The following UNC79 variants were observed in gnomAD, a reference collection of about 807,000 sequenced individuals.
UNC79 encodes protein unc-79 homolog.
Under a neutral mutation model 283.1 loss-of-function variants are expected in UNC79, and 37 were observed. That is an observed-to-expected ratio of 0.13 (90% CI 0.10 to 0.17). UNC79 has a LOEUF of 0.17. UNC79 is among the 10% of genes least tolerant of loss of function. The pLI is 1.00. For missense variants in UNC79, 2,272 were observed against 3,211.1 expected, an observed-to-expected ratio of 0.71 and a Z score of 7.07; for synonymous variants, 1,107 against 1,200.2, an observed-to-expected ratio of 0.92 and a Z score of 1.61.
chr14:93,506,808 G>T (rs149727699), intron 7 of UNC79, among the ~76,000 whole-genome samples: 22 of 152,198 alleles, frequency 1.4e-4, no homozygotes, highest in Non-Finnish European at 2.8e-4. Flanking sequence ...GTACAGCTGG[G>T]TCAATTATGA....
intron 26 of UNC79, among the ~76,000 whole-genome samples, 178 bp downstream of exon 27, chr14:93,605,139 G>T (rs966266892): frequency 6.6e-6 from 1 of 151,996 alleles, no homozygotes; most frequent in African/African-American, 2.4e-5. Context: ...TTTCCATTTT[G>T]ATATTAACAG....
intron 44 of UNC79, chr14:93,689,153 G>T: frequency 8.4e-6 from 3 of 356,678 alleles, no homozygotes; most frequent in South Asian, 1.8e-4. Context: ...TAATAGGTAT[G>T]TATCAATATA....
chr14:93,532,483 A>C, intron 10 of UNC79, 67 bp from the exon 11 acceptor site: 3 of 1,541,878 alleles, frequency 1.9e-6, no homozygotes, highest in Non-Finnish European at 2.6e-6. Flanking sequence ...AAATAAATTA[A>C]TTAATTAAAT....
intron 1 of UNC79, among the ~76,000 whole-genome samples, chr14:93,444,302 T>C (rs1366981449): frequency 2.0e-5 from 3 of 152,214 alleles, no homozygotes; most frequent in Non-Finnish European, 2.9e-5. Flanking sequence ...TTTGATCTTT[T>C]GATTGAGTCT....
chr14:93,391,601 A>T (rs2054884669), intron 1 of UNC79, among the ~76,000 whole-genome samples: 1 of 152,124 alleles, frequency 6.6e-6, no homozygotes, highest in Non-Finnish European at 1.5e-5. Flanking sequence ...TGTATCTATA[A>T]TTTCTTTTTT....
chr14:93,644,742 A>G (rs544186766), intron 34 of UNC79, among the ~76,000 whole-genome samples: 8 of 152,328 alleles, frequency 5.3e-5, no homozygotes, highest in Admixed American at 5.2e-4. Context: ...TAAAAATGAA[A>G]AAATGTTGAC....
At chr14:93,477,805 C>T (rs1319704895) in intron 4 of UNC79, 77 bp downstream of exon 4, 1 of 1,397,996 alleles carries the variant, frequency 7.2e-7, no homozygotes, top group Non-Finnish European at 9.7e-7. Context: ...GTTATAGGCT[C>T]TAGTTTTTCG....
chr14:93,586,792 T>A lies in UNC79; in HGVS notation c.2916T>A (p.Leu972=), dbSNP rs192535016. The A allele has an allele frequency of 8.9e-5, 144 of 1,614,042 alleles. 1 individual carries two copies. In the East Asian group the frequency reaches 2.3e-3, roughly 26 times the overall value. The change falls in exon 22 of 49, where the codon CTT becomes CTA. Residue 972 remains leucine, a synonymous_variant. Transcript: ENST00000555664. The stretch of plus-strand genomic sequence containing the variant: ...CTAAGTTTGAAGAGCCAGACATTCT[T>A]TTTAATATGCTCAATTGCCTGAAGA...
chr14:93,664,942 A>T (rs1003159364), intron 40 of UNC79, among the ~76,000 whole-genome samples: 2 of 152,100 alleles, frequency 1.3e-5, no homozygotes, highest in Admixed American at 6.6e-5. Context: ...TACAAAGCAA[A>T]TGAAGATACA....
intron 47 of UNC79, among the ~76,000 whole-genome samples, chr14:93,703,918 T>C (rs527990870): frequency 6.6e-6 from 1 of 152,252 alleles, no homozygotes; most frequent in East Asian, 1.9e-4. Context: ...TTACTTAGAT[T>C]TTAAAGGACT....
chr14:93,467,180 T>A (rs2057228938), intron 1 of UNC79, among the ~76,000 whole-genome samples: 1 of 152,222 alleles, frequency 6.6e-6, no homozygotes, highest in South Asian at 2.1e-4. Context: ...CTTCAATTGA[T>A]GCCATTGTGC....
chr14:93,514,806 T>C (rs1347600113), intron 7 of UNC79, among the ~76,000 whole-genome samples: 1 of 152,238 alleles, frequency 6.6e-6, no homozygotes, highest in Non-Finnish European at 1.5e-5. Context: ...ACTTAACTTG[T>C]ATGCTTTACT....
intron 1 of UNC79, among the ~76,000 whole-genome samples, chr14:93,355,174 C>T (rs562418473): frequency 5.3e-5 from 8 of 151,938 alleles, no homozygotes; most frequent in Non-Finnish European, 7.4e-5. Context: ...GGATTACAGG[C>T]GCCTGCCACC....
chr14:93,461,042 A>G (rs1448977357), intron 1 of UNC79, among the ~76,000 whole-genome samples: 1 of 152,220 alleles, frequency 6.6e-6, no homozygotes, highest in African/African-American at 2.4e-5. Context: ...AAGTGAGGAA[A>G]ACAGATTCTA....
chr14:93,557,912 G>T (rs1433118938), intron 14 of UNC79, among the ~76,000 whole-genome samples: 1 of 152,174 alleles, frequency 6.6e-6, no homozygotes, highest in East Asian at 1.9e-4. Context: ...ACATTATCAT[G>T]TGTCCTTTCA....
At chr14:93,431,104 C>G (rs1446929660) in intron 1 of UNC79, 53 bp downstream of exon 1, 1 of 654,298 alleles carries the variant, frequency 1.5e-6, no homozygotes, top group African/African-American at 1.8e-5. Context: ...GGAGCTATTG[C>G]AGCTGCGGCG....
At chr14:93,588,844 G>C (rs970821739) in intron 22 of UNC79, among the ~76,000 whole-genome samples, 3 of 151,886 alleles carry the variant, frequency 2.0e-5, no homozygotes, top group Non-Finnish European at 4.4e-5. Context: ...TGCAAGTTCT[G>C]GAAGGCAGGA....
intron 31 of UNC79, among the ~76,000 whole-genome samples, chr14:93,632,719 G>A (rs11627312): frequency 0.013 from 1,990 of 152,060 alleles, 23 homozygotes; most frequent in Middle Eastern, 0.027. Flanking sequence ...TAAAAAGATA[G>A]TGAATTAGAG....
intron 1 of UNC79, among the ~76,000 whole-genome samples, chr14:93,388,419 G>GGT (rs964801727): frequency 1.3e-5 from 2 of 151,874 alleles, no homozygotes; most frequent in Non-Finnish European, 2.9e-5. Context: ...AAGAAACAGT[G>GGT]GTATATATAT....
Sources: gnomAD v4.1 joint callset for allele counts (sites outside exome capture counted in the v4.1 genomes callset) on GRCh38, gnomAD v4.1.1 for gene constraint, MANE v1.5 for transcripts, NCBI Gene and HGNC (gene_info 2026-07-23, HGNC 2026-07-21) for gene names.